Variants in ATG16L2 observed in about 807,000 individuals in gnomAD.
The protein encoded by ATG16L2 is protein Atg16l2.
A neutral mutation model predicts 84.7 loss-of-function variants in ATG16L2; 77 were observed. The ratio of observed to expected loss-of-function variants is 0.91; its 90% CI spans 0.76 to 1.10. The LOEUF is 1.10. Ranked by LOEUF, ATG16L2 falls within the 50% of genes least tolerant of loss-of-function variation. The probability of loss-of-function intolerance (pLI) is 0.00; values close to 1 mark genes in which losing one functional copy is unlikely to be tolerated. For synonymous variants in ATG16L2, 361 were observed against 342.8 expected (o/e 1.05, Z -0.59); for missense variants, 782 against 817.6 (o/e 0.96, Z 0.53).
chr11:72,814,493 C>G lies in ATG16L2; in HGVS notation c.48C>G (p.Arg16=). The G allele has an allele frequency of 6.5e-7, 1 of 1,542,216 alleles. No individual in the cohort carries two copies. Among genetic ancestry groups the G allele is most frequent in the Non-Finnish European group, 8.8e-7 (1 of 1,142,326 alleles). ...VPGAPAARWK[R]HIVRQLRLRD... ...GTGCCCCCGCAGCGCGCTGGAAACG[C>G]CACATCGTGCGGCAGCTGCGGCTTC... The change falls in exon 1 of 18, where the codon CGC becomes CGG. Residue 16 remains arginine, a synonymous_variant. Coordinates refer to ENST00000321297, the MANE Select transcript of ATG16L2 (RefSeq NM_033388.2).
Position 72,822,173 on chromosome 11 carries a change from C to T in ATG16L2, c.522C>T (p.Val174=), listed in dbSNP as rs762530107. 1.5e-5 allele frequency: 22 copies of T among 1,494,050 alleles called. No homozygotes were observed. Among genetic ancestry groups the T allele is most frequent in the Non-Finnish European group, 1.9e-5 (22 of 1,132,224 alleles). The allele number at this position is 1,494,050 out of a possible 1,614,324, so 92.5% of individuals were successfully genotyped here. A position where few individuals can be genotyped will look rare whatever the true frequency, so the allele number is the denominator to read the frequency against. ...RAAYEALRAH[V]GLREAALRRL... is the part of the protein sequence containing the mutation. Reference sequence around the variant, plus strand: ...CCTACGAGGCGCTGCGCGCGCACGTCGGGCTCCGGGAGGCGGCACTGCGCA... The same window carrying T: ...CCTACGAGGCGCTGCGCGCGCACGTTGGGCTCCGGGAGGCGGCACTGCGCA... The change falls in exon 5 of 18, where the codon GTC becomes GTT. Residue 174 remains valine, a synonymous_variant. Coordinates refer to ENST00000321297, the MANE Select transcript of ATG16L2 (RefSeq NM_033388.2). The surrounding 1 kb of genome is among the most constrained non-coding windows in gnomAD (Gnocchi z 4.2).
chr11:72,828,513 C>T lies in ATG16L2; in HGVS notation c.1622+5C>T. 1.2e-6 allele frequency: 2 copies of T among 1,614,160 alleles called. No homozygotes were observed. The highest frequency in any genetic ancestry group is 1.7e-6 in the Non-Finnish European group (2 of 1,180,024). ...CAACATCCGCCAGGTGTTCAGGTAC[C>T]AGCCTCATGCCTGCTGACCCTGTGG... On this transcript the variant is annotated splice_donor_5th_base_variant and intron_variant, in intron 15 of 17. Transcript: ENST00000321297.
rs1387591214 is a variant in ATG16L2, at chr11:72,829,585, A to ATCTC, written c.*197_*200dup. On this transcript the variant is annotated 3_prime_UTR_variant, in exon 18 of 18. Coordinates refer to ENST00000321297, the MANE Select transcript of ATG16L2 (RefSeq NM_033388.2). ...TACGCTAGTTTTTCTTTGTATTTTT[A>ATCTC]TCTCTATCTCCTCACTTTTTCTCCC... 4.2e-6 allele frequency: 5 copies of ATCTC among 1,192,402 alleles called. No individual in the cohort carries two copies. Among genetic ancestry groups the ATCTC allele is most frequent in the Admixed American group, 4.1e-5 (1 of 24,662 alleles). 73.9% of individuals were successfully genotyped at this position (1,192,402 alleles called of 1,614,324 possible).
intron 5 of ATG16L2, chr11:72,842,583 A>G (rs532041123): frequency 6.2e-7 from 1 of 1,612,110 alleles, no homozygotes; most frequent in Non-Finnish European, 8.5e-7. Flanking sequence ...AATTTTCTTT[A>G]AACATCTTTT....
Position 72,814,439 on chromosome 11 carries a change from C to T in ATG16L2, c.-7C>T, listed in dbSNP as rs188671842. Reference sequence around the variant, plus strand: ...AGGAACGCGCCGCTAGGCGGGAGAGCGCGGCCATGGCGGGGCCGGGCGTCC... The same window carrying T: ...AGGAACGCGCCGCTAGGCGGGAGAGTGCGGCCATGGCGGGGCCGGGCGTCC... On this transcript the variant is annotated 5_prime_UTR_variant, in exon 1 of 18. Transcript: ENST00000321297. 5 of 1,476,662 alleles carry T rather than the reference C, an allele frequency of 3.4e-6. No individual in the cohort carries two copies. The African/African-American group carries it at 4.4e-5, about 13-fold the overall frequency. The allele number at this position is 1,476,662 out of a possible 1,614,324, so 91.5% of individuals were successfully genotyped here.
At chr11:72,834,667 C>T (rs1403243005) in intron 5 of ATG16L2, among the ~76,000 whole-genome samples, 3 of 151,888 alleles carry the variant, frequency 2.0e-5, no homozygotes, top group Non-Finnish European at 4.4e-5. Context: ...ACCGCAACCT[C>T]TGCCTCCTGG....
Position 72,841,374 on chromosome 11 carries a change from G to GT in ATG16L2, c.*22-1234dup, listed in dbSNP as rs201145516. ...AAAAAAAAAAAAAAAAGCAAATGCAGTTTTTTTTTGCCCTTCAGGCGAATA... is the reference window on the plus strand; with the variant it reads ...AAAAAAAAAAAAAAAAGCAAATGCAGTTTTTTTTTTGCCCTTCAGGCGAATA... On this transcript the variant is annotated intron_variant, in intron 5 of 5. Transcript: ENST00000534905. 7.3e-3 allele frequency: 5,491 copies of GT among 751,772 alleles called. 35 individuals are homozygous for GT. Among genetic ancestry groups the GT allele is most frequent in the East Asian group, 0.034 (911 of 26,506 alleles). The allele number at this position is 751,772 out of a possible 1,614,324, so 46.6% of individuals were successfully genotyped here. A position where few individuals can be genotyped will look rare whatever the true frequency, so the allele number is the denominator to read the frequency against.
intron 3 of ATG16L2, among the ~76,000 whole-genome samples, chr11:72,820,826 C>G (rs1367004794): frequency 6.6e-6 from 1 of 152,066 alleles, no homozygotes; most frequent in African/African-American, 2.4e-5. Flanking sequence ...TCTCTCCCAC[C>G]GACCCTGCTT....
downstream of ATG16L2, among the ~76,000 whole-genome samples, chr11:72,833,295 A>G (rs1168441203): frequency 6.6e-6 from 1 of 152,222 alleles, no homozygotes; most frequent in Non-Finnish European, 1.5e-5. Context: ...CCATGCCTGG[A>G]TACAGGCTCT....
intron 5 of ATG16L2, chr11:72,838,444 A>C: frequency 6.1e-6 from 2 of 326,938 alleles, no homozygotes; most frequent in Non-Finnish European, 1.2e-5. Context: ...GTACGAGTGC[A>C]CATGATCAGT....
rs1371174634 is a variant in ATG16L2, at chr11:72,828,512, C to G, written c.1622+4C>G. ...GCAACATCCGCCAGGTGTTCAGGTACCAGCCTCATGCCTGCTGACCCTGTG... is the reference window on the plus strand; with the variant it reads ...GCAACATCCGCCAGGTGTTCAGGTAGCAGCCTCATGCCTGCTGACCCTGTG... On this transcript the variant is annotated splice_donor_region_variant and intron_variant, in intron 15 of 17. Transcript: ENST00000321297. 3 of 1,614,168 alleles carry G rather than the reference C, an allele frequency of 1.9e-6. No individual in the cohort carries two copies. Among genetic ancestry groups the G allele is most frequent in the East Asian group, 4.5e-5 (2 of 44,890 alleles).
intron 9 of ATG16L2, 38 bp from the exon 10 acceptor site, chr11:72,825,264 G>C: frequency 6.5e-7 from 1 of 1,541,330 alleles, no homozygotes; most frequent in Non-Finnish European, 9.0e-7. Flanking sequence ...AGACATGCGC[G>C]GGGAGGGCCG....
Position 72,822,452 on chromosome 11 carries a change from T to A in ATG16L2, c.645-26T>A, listed in dbSNP as rs1162611001. 1 of 1,611,480 alleles carries A rather than the reference T, an allele frequency of 6.2e-7. No homozygotes were observed. The highest frequency in any genetic ancestry group is 8.5e-7 in the Non-Finnish European group (1 of 1,178,990). On this transcript the variant is annotated intron_variant, in intron 5 of 17. Transcript: ENST00000321297. This position sits in a 1 kb window ranked among gnomAD's most constrained non-coding sequence, Gnocchi z 4.2. ...CTGCGTGCGAGGCGCCGCGCCAGGG[T>A]CTCAGGATGCTTTTTACCCAACAAG... is the stretch of plus-strand genomic sequence containing the variant.
rs200456427 is a variant in ATG16L2, at chr11:72,822,489, C to T, written c.656C>T (p.Ala219Val). Reference sequence around the variant, plus strand: ...TTTTACCCAACAAGGGCCAAGCAGGCGCGGGTGTCCCAGGAGCTGAAGAAG... The same window carrying T: ...TTTTACCCAACAAGGGCCAAGCAGGTGCGGGTGTCCCAGGAGCTGAAGAAG... ...RNERRERAKQ[A>V]RVSQELKKAA... The change falls in exon 6 of 18, where the codon GCG (alanine) becomes GTG (valine). Residue 219 changes from alanine to valine, a missense_variant. Ala to Val is a moderately conservative substitution (Grantham distance 64, BLOSUM62 0). Transcript: ENST00000321297. The surrounding 1 kb of genome is among the most constrained non-coding windows in gnomAD (Gnocchi z 4.2). 81 of 1,612,968 alleles carry T rather than the reference C, an allele frequency of 5.0e-5. No homozygotes were observed. Among genetic ancestry groups the T allele is most frequent in the Non-Finnish European group, 6.4e-5 (75 of 1,179,516 alleles).
At chr11:72,827,059 G>C in intron 13 of ATG16L2, 129 bp from the exon 14 acceptor site, 2 of 853,778 alleles carry the variant, frequency 2.3e-6, no homozygotes, top group Non-Finnish European at 3.6e-6. Flanking sequence ...CCTGTGCTGG[G>C]AAGCGGAAGA....
intron 7 of ATG16L2, chr11:72,823,559 C>T (rs1232399247): frequency 2.4e-6 from 1 of 417,186 alleles, no homozygotes; most frequent in South Asian, 1.7e-5. Flanking sequence ...CCTTGCAGGT[C>T]CCTGGTGTCC....
rs1241147600 is a variant in ATG16L2, at chr11:72,827,197, C to A, written c.1376C>A (p.Thr459Asn). ...GCTGCTTGGTCCCCAGGCTCCAGGACCATCAATGTCCTTTCCTACTGTAAT... is the reference window on the plus strand; with the variant it reads ...GCTGCTTGGTCCCCAGGCTCCAGGAACATCAATGTCCTTTCCTACTGTAAT... ...WDLGRAYCSRTINVLSYCNDV... is the reference protein window; with the variant it reads ...WDLGRAYCSRNINVLSYCNDV... Residue 459 changes from threonine to asparagine, a missense_variant, in exon 14 of 18, where the codon ACC becomes AAC. Thr to Asn is a moderately conservative substitution (Grantham distance 65, BLOSUM62 0). Transcript: ENST00000321297. The A allele has an allele frequency of 6.2e-7, 1 of 1,613,754 alleles. No individual in the cohort carries two copies. The highest frequency in any genetic ancestry group is 1.3e-5 in the African/African-American group (1 of 74,896).
chr11:72,822,094 A>C lies in ATG16L2; in HGVS notation c.443A>C (p.Gln148Pro). 1 of 1,537,626 alleles carries C rather than the reference A, an allele frequency of 6.5e-7. No homozygotes were observed. Among genetic ancestry groups the C allele is most frequent in the South Asian group, 1.2e-5 (1 of 84,124 alleles). ...RVAQLREARAQQAQQVEEWRA... is the reference protein window; with the variant it reads ...RVAQLREARAPQAQQVEEWRA... ...GCGCAGCTGCGAGAGGCGCGGGCGC[A>C]GCAGGCCCAGCAGGTGGAGGAGTGG... is the stretch of plus-strand genomic sequence containing the variant. Residue 148 changes from glutamine to proline, a missense_variant, in exon 5 of 18, where the codon CAG (glutamine) becomes CCG (proline). Physicochemically the swap from Gln to Pro is moderately conservative, Grantham distance 76. Coordinates refer to ENST00000321297, the MANE Select transcript of ATG16L2 (RefSeq NM_033388.2). The surrounding 1 kb of genome is among the most constrained non-coding windows in gnomAD (Gnocchi z 4.2).
chr11:72,835,571 G>C (rs913470388), intron 5 of ATG16L2, among the ~76,000 whole-genome samples: 2 of 152,166 alleles, frequency 1.3e-5, no homozygotes, highest in Admixed American at 6.5e-5. Context: ...AAGTGGCAGA[G>C]CCAGGATTTA....
Sources: allele counts gnomAD v4.1 joint callset (sites outside exome capture counted in the v4.1 genomes callset), GRCh38; gene constraint gnomAD v4.1.1; non-coding constraint Gnocchi (gnomAD v3.1); transcripts MANE v1.5; gene names NCBI Gene and HGNC (gene_info 2026-07-23, HGNC 2026-07-21).